Variants in PRIMPOL observed in about 807,000 individuals in gnomAD.
The protein encoded by PRIMPOL is primase and DNA directed polymerase, also known as DNA-directed primase/polymerase protein.
In PRIMPOL, 54 loss-of-function variants were observed where a neutral mutation model predicts 63.6. The ratio of observed to expected loss-of-function variants is 0.85; its 90% CI spans 0.68 to 1.07. The LOEUF is 1.07. Among genes scored for constraint, PRIMPOL ranks in the 50% least tolerant of loss-of-function variants. PRIMPOL has a pLI of 0.00. For missense variants in PRIMPOL, 610 were observed against 648.3 expected, an observed-to-expected ratio of 0.94 and a Z score of 0.64; for synonymous variants, 197 against 220.2, an observed-to-expected ratio of 0.89 and a Z score of 0.93.
rs1579676537 is a variant in PRIMPOL at position 184,691,206 on chromosome 4, G to A, written c.1296-293G>A. ...TAGATTTGTTTATCATTGTGGTCCTGTCCATTTTTGCTCACATATTTTGCA... is the reference window on the plus strand; with the variant it reads ...TAGATTTGTTTATCATTGTGGTCCTATCCATTTTTGCTCACATATTTTGCA... On this transcript the variant is annotated intron_variant, in intron 11 of 13. Coordinates refer to ENST00000314970, the MANE Select transcript of PRIMPOL (RefSeq NM_152683.4). Among the ~76,000 whole-genome samples the A allele has an allele frequency of 3.9e-5, 6 of 152,180 alleles. No individual in the cohort carries two copies. In the South Asian group the frequency reaches 1.2e-3, roughly 32 times the overall value.
rs901413760 is a variant in PRIMPOL at position 184,687,684 on chromosome 4, G to A, written c.1295+2000G>A. Reference sequence around the variant, plus strand: ...GGCTGGGGTGCAATCGCACGATCTCGGCTCACTGCAACCTCTGTCTCCCGG... The same window carrying A: ...GGCTGGGGTGCAATCGCACGATCTCAGCTCACTGCAACCTCTGTCTCCCGG... On this transcript the variant is annotated intron_variant, in intron 11 of 13. Coordinates refer to ENST00000314970, the MANE Select transcript of PRIMPOL (RefSeq NM_152683.4). 6.6e-5 allele frequency among the ~76,000 whole-genome samples: 10 copies of A among 152,152 alleles called. No individual in the cohort carries two copies. In the East Asian group the frequency reaches 1.9e-3, roughly 29 times the overall value.
Position 184,658,535 on chromosome 4 carries a change from C to T in PRIMPOL, c.181-805C>T, listed in dbSNP as rs115873084. On this transcript the variant is annotated intron_variant, in intron 3 of 13. Coordinates refer to ENST00000314970, the MANE Select transcript of PRIMPOL (RefSeq NM_152683.4). ...AAACAAAAGAACTTGTGGATGTATT[C>T]CTCTATTAGAAGAACCCTTATGGCA... Among the ~76,000 whole-genome samples, 1,194 of 152,230 alleles carry T rather than the reference C, an allele frequency of 7.8e-3. 17 individuals are homozygous for T. Among genetic ancestry groups the T allele is most frequent in the African/African-American group, 0.027 (1,108 of 41,536 alleles).
intron 11 of PRIMPOL, among the ~76,000 whole-genome samples, chr4:184,688,664 T>C (rs1032002628): frequency 1.3e-5 from 2 of 152,246 alleles, no homozygotes; most frequent in Non-Finnish European, 2.9e-5. Context: ...ACCTGCATTT[T>C]ACACTCAAGT....
chr4:184,676,316 C>T (rs1561023214), intron 7 of PRIMPOL, among the ~76,000 whole-genome samples: 1 of 137,858 alleles, frequency 7.3e-6, no homozygotes, highest in African/African-American at 3.0e-5. Flanking sequence ...CTTCCCCTCC[C>T]TTCCCTTTCC....
intron 8 of PRIMPOL, 130 bp downstream of exon 8, chr4:184,678,524 T>A: frequency 6.2e-5 from 31 of 503,700 alleles, no homozygotes; most frequent in Non-Finnish European, 8.9e-5. Context: ...TTCTTACAGC[T>A]CTTTTTTTTT....
intron 7 of PRIMPOL, among the ~76,000 whole-genome samples, chr4:184,672,858 C>T (rs984196600): frequency 6.6e-6 from 1 of 152,182 alleles, no homozygotes; most frequent in Non-Finnish European, 1.5e-5. Flanking sequence ...GTGTTCTCCT[C>T]ACCGAAGATC....
chr4:184,673,181 C>G (rs1425319721), intron 7 of PRIMPOL, among the ~76,000 whole-genome samples: 13 of 150,014 alleles, frequency 8.7e-5, no homozygotes, highest in Non-Finnish European at 1.5e-4. Flanking sequence ...CCAGGCCGGA[C>G]TGCAGTGGCA....
chr4:184,684,155 C>G (rs1312579450), intron 9 of PRIMPOL, among the ~76,000 whole-genome samples: 2 of 152,082 alleles, frequency 1.3e-5, no homozygotes, highest in African/African-American at 4.8e-5. Context: ...AGATTCTTGT[C>G]CTTAAAAATT....
rs1209390721 is a variant in PRIMPOL at position 184,657,412 on chromosome 4, A to AG, written c.180+92_180+93insG. 3 of 1,052,076 alleles carry AG rather than the reference A, an allele frequency of 2.9e-6. 1 individual carries two copies. Among genetic ancestry groups the AG allele is most frequent in the Non-Finnish European group, 3.9e-6 (3 of 768,450 alleles). The allele number at this position is 1,052,076 out of a possible 1,614,324, so 65.2% of individuals were successfully genotyped here. A position where few individuals can be genotyped will look rare whatever the true frequency, so the allele number is the denominator to read the frequency against. On this transcript the variant is annotated intron_variant, in intron 3 of 13. Transcript: ENST00000314970. ...ATTATAATTTCAGTTCTTTAAAAAA[A>AG]AAAGTCTATTATTTGTCTTCATTTC...
intron 13 of PRIMPOL, chr4:184,694,216 T>C (rs1375466252): frequency 9.3e-7 from 1 of 1,080,258 alleles, no homozygotes; most frequent in Non-Finnish European, 1.1e-6. Context: ...TCAGCTGGAC[T>C]GTCCACTTGT....
intron 8 of PRIMPOL, among the ~76,000 whole-genome samples, chr4:184,680,263 C>T (rs187958541): frequency 1.1e-4 from 16 of 152,208 alleles, no homozygotes; most frequent in Admixed American, 2.0e-4. Flanking sequence ...TCTCAGCTTA[C>T]TGCAACCTCT....
At chr4:184,680,202 T>TC (rs1237384674) in intron 8 of PRIMPOL, among the ~76,000 whole-genome samples, 3 of 151,844 alleles carry the variant, frequency 2.0e-5, no homozygotes, top group Non-Finnish European at 2.9e-5. Context: ...ATATAATTTT[T>TC]TTTTTGAGAC....
chr4:184,659,484 C>A (rs1333428745), intron 4 of PRIMPOL, 47 bp downstream of exon 4: 1 of 1,378,328 alleles, frequency 7.3e-7, no homozygotes, highest in East Asian at 2.3e-5. Context: ...AGTTCCATTT[C>A]CTTTGCCTAG....
At chr4:184,684,011 T>TTC (rs149698463) in intron 9 of PRIMPOL, among the ~76,000 whole-genome samples, 19,821 of 152,190 alleles carry the variant, frequency 0.13, 1,359 homozygotes, top group Middle Eastern at 0.18. Flanking sequence ...GTTTATTTTC[T>TTC]TGTCTTATAT....
chr4:184,661,677 G>C, intron 4 of PRIMPOL, 97 bp from the exon 5 acceptor site: 1 of 775,980 alleles, frequency 1.3e-6, no homozygotes, highest in East Asian at 3.1e-5. Flanking sequence ...CTGCAGTCCA[G>C]CCTGGGCAAC....
In PRIMPOL at chr4:184,661,825, G is replaced by A. The variant is rs1748409911; in HGVS notation, c.330G>A (p.Lys110=). The change falls in exon 5 of 14, where the codon AAG becomes AAA. Residue 110 remains lysine (K), a synonymous_variant. Coordinates refer to ENST00000314970, the MANE Select transcript of PRIMPOL (RefSeq NM_152683.4). ...YEVIPENAVC[K]LYFDLEFNKP... is the part of the protein sequence containing the mutation. The stretch of plus-strand genomic sequence containing the variant: ...TTATTCCTGAAAATGCTGTGTGCAA[G>A]CTTTATTTTGATTTGGAATTTAACA... The A allele has an allele frequency of 3.1e-6, 5 of 1,613,624 alleles. No individual in the cohort carries two copies.
intron 9 of PRIMPOL, among the ~76,000 whole-genome samples, chr4:184,685,130 T>C (rs1053155416): frequency 1.3e-5 from 2 of 152,130 alleles, no homozygotes; most frequent in Admixed American, 6.6e-5. Context: ...AGGCCTGTTA[T>C]GGACGTGAGG....
intron 2 of PRIMPOL, among the ~76,000 whole-genome samples, chr4:184,654,452 A>ATTTTTTTTTTTTT (rs1745627877): frequency 1.6e-5 from 2 of 126,574 alleles, no homozygotes; most frequent in South Asian, 2.4e-4. Context: ...AAGTTAAAGC[A>ATTTTTTTTTTTTT]GTTTTTTTTT....
intron 4 of PRIMPOL, among the ~76,000 whole-genome samples, chr4:184,660,450 G>A (rs925811893): frequency 3.9e-5 from 6 of 152,068 alleles, no homozygotes; most frequent in African/African-American, 1.4e-4. Context: ...CAAAGTGCTG[G>A]GATTACCAGC....
Sources: gnomAD v4.1 joint callset for allele counts (sites outside exome capture counted in the v4.1 genomes callset) on GRCh38, gnomAD v4.1.1 for gene constraint, MANE v1.5 for transcripts, NCBI Gene and HGNC (gene_info 2026-07-23, HGNC 2026-07-21) for gene names.